BACH1: variants seen among roughly 807,000 people sequenced by gnomAD.
BACH1 encodes the protein transcription regulator protein BACH1.
In BACH1, 35 loss-of-function variants were observed where a neutral mutation model predicts 52.9. The ratio of observed to expected loss-of-function variants is 0.66; its 90% confidence interval spans 0.51 to 0.88. BACH1 has a LOEUF of 0.88. Ranked by LOEUF, BACH1 falls within the 40% of genes least tolerant of loss-of-function variation. The pLI is 0.00. For synonymous variants in BACH1, 321 were observed against 319.6 expected (o/e 1.00, Z -0.05); for missense variants, 808 against 872.6 (o/e 0.93, Z 0.93).
At chr21:29,306,169 A>AGT (rs61571512) in intron 1 of BACH1, among the ~76,000 whole-genome samples, 32,505 of 141,016 alleles carry the variant, frequency 0.23, 4,048 homozygotes, top group Non-Finnish European at 0.3. Context: ...GGTCAGGAAG[A>AGT]GTGTGTGTGT....
At chr21:29,324,081 A>G (rs2123441589) in intron 2 of BACH1, among the ~76,000 whole-genome samples, 1 of 152,058 alleles carries the variant, frequency 6.6e-6, no homozygotes, top group South Asian at 2.1e-4. Flanking sequence ...GTGAAACCAC[A>G]TCTCTACTAA....
chr21:29,322,323 T>G (rs2088858430), intron 2 of BACH1, among the ~76,000 whole-genome samples: 1 of 152,224 alleles, frequency 6.6e-6, no homozygotes. Flanking sequence ...GTGTTCTGTC[T>G]CCCCTTCTTT....
At chr21:29,317,042 C>T (rs913814717) in intron 1 of BACH1, among the ~76,000 whole-genome samples, 2 of 152,246 alleles carry the variant, frequency 1.3e-5, no homozygotes, top group African/African-American at 2.4e-5. Context: ...AGCATTACTG[C>T]TTGAGCTCCA....
intron 4 of BACH1, among the ~76,000 whole-genome samples, chr21:29,339,629 GTTTTTTTTTT>G (rs34979217): frequency 1.0e-5 from 1 of 98,540 alleles, no homozygotes; most frequent in Admixed American, 1.2e-4. Flanking sequence ...AGATGCAAAG[GTTTTTTTTTT>G]TTTTTTTTTT....
intron 2 of BACH1, among the ~76,000 whole-genome samples, chr21:29,322,539 C>G (rs1450885802): frequency 6.6e-6 from 1 of 152,094 alleles, no homozygotes; most frequent in Admixed American, 6.6e-5. Context: ...TAGCAGCATC[C>G]CTTGCTTTAG....
At chr21:29,356,873 ACTT>A (rs1166752434) in intron 2 of BACH1, among the ~76,000 whole-genome samples, 3 of 151,022 alleles carry the variant, frequency 2.0e-5, no homozygotes, top group South Asian at 2.1e-4. Flanking sequence ...TCTCTCTTTG[ACTT>A]CTTCTTTGTC....
intron 4 of BACH1, among the ~76,000 whole-genome samples, chr21:29,341,896 GCTAA>G (rs890648378): frequency 6.6e-6 from 1 of 152,164 alleles, no homozygotes; most frequent in African/African-American, 2.4e-5. Flanking sequence ...ATTAAGTTAT[GCTAA>G]CTGTACTTTT....
chr21:29,332,461 C>T (rs941795151), intron 4 of BACH1, among the ~76,000 whole-genome samples: 1 of 152,170 alleles, frequency 6.6e-6, no homozygotes, highest in African/African-American at 2.4e-5. Context: ...TTAATTTGGA[C>T]TCTTTGGCTT....
intron 2 of BACH1, among the ~76,000 whole-genome samples, chr21:29,355,204 T>C (rs772621262): frequency 2.0e-5 from 3 of 152,204 alleles, no homozygotes; most frequent in Non-Finnish European, 2.9e-5. Flanking sequence ...TACAGAGTGC[T>C]GATTGGTGCG....
chr21:29,332,920 C>T (rs188824999), intron 4 of BACH1, among the ~76,000 whole-genome samples: 21 of 152,274 alleles, frequency 1.4e-4, no homozygotes, highest in Non-Finnish European at 2.2e-4. Context: ...CCTAGATAGG[C>T]GCCAGTCTGA....
chr21:29,300,495 T>A (rs983797457), intron 1 of BACH1, among the ~76,000 whole-genome samples: 1 of 152,134 alleles, frequency 6.6e-6, no homozygotes, highest in African/African-American at 2.4e-5. Flanking sequence ...GGAAGAGCAC[T>A]CTTAGGCAGT....
Position 29,351,610 on chromosome 21 carries a change from G to T in BACH1, c.472+21917G>T, listed in dbSNP as rs368629482. 242 of 534,672 alleles carry T rather than the reference G, an allele frequency of 4.5e-4. 4 individuals carry two copies. The East Asian group carries it at 9.7e-3, about 21-fold the overall frequency. 33.1% of individuals were successfully genotyped at this position (534,672 alleles called of 1,614,324 possible). ...ACCTCATCTATTATGCTCAACATCT[G>T]ATATTTGAGGGGTTCTGTTTCAGGG... is the stretch of plus-strand genomic sequence containing the variant. On this transcript the variant is annotated intron_variant, in intron 2 of 4. Coordinates refer to the BACH1 transcript ENST00000422809.
In BACH1 at chr21:29,326,940, C is replaced by T. The variant is rs756113633; in HGVS notation, c.1116C>T (p.Asp372=). 9 of 1,614,110 alleles carry T rather than the reference C, an allele frequency of 5.6e-6. No homozygotes were observed. The African/African-American group carries it at 8.0e-5, about 14-fold the overall frequency. The change falls in exon 3 of 5, where the codon GAC becomes GAT. Residue 372 remains aspartate, a synonymous_variant. Coordinates refer to ENST00000286800, the MANE Select transcript of BACH1 (RefSeq NM_001186.4). ...GTCAGGATTTACCTTTGAAATCCGA[C>T]TTGGGCACCAGGGAAGATAGTAGTG... The part of the protein sequence containing the change: ...GESQDLPLKS[D]LGTREDSSVA...
At chr21:29,303,598 T>C (rs1167397274) in intron 1 of BACH1, among the ~76,000 whole-genome samples, 1 of 152,268 alleles carries the variant, frequency 6.6e-6, no homozygotes, top group African/African-American at 2.4e-5. Flanking sequence ...GGTGTGATTA[T>C]TGAGAAGGCA....
intron 1 of BACH1, among the ~76,000 whole-genome samples, chr21:29,312,515 A>T (rs2088737498): frequency 6.6e-6 from 1 of 152,194 alleles, no homozygotes; most frequent in Admixed American, 6.5e-5. Flanking sequence ...GTGCATAGAA[A>T]ATCCTATGGA....
intron 4 of BACH1, among the ~76,000 whole-genome samples, chr21:29,338,263 T>G (rs1043067104): frequency 2.6e-5 from 4 of 152,214 alleles, no homozygotes; most frequent in African/African-American, 9.7e-5. Flanking sequence ...TGAGATTTAT[T>G]TGCTTTTTTA....
At chr21:29,337,929 T>TA (rs1013615733) in intron 4 of BACH1, among the ~76,000 whole-genome samples, 32 of 151,890 alleles carry the variant, frequency 2.1e-4, no homozygotes, top group Admixed American at 1.8e-3. Context: ...AACTCCGTCT[T>TA]AAAACAAAAA....
rs76698439 is a variant in BACH1 at position 29,360,407 on chromosome 21, G to A, written c.472+30714G>A. On this transcript the variant is annotated intron_variant, in intron 2 of 4. Transcript: ENST00000422809. ...AGCTAAAAGCTGCTATTTTGTCGGCGGCCTCAGAGGCCTTCCACAATGAAC... is the reference window on the plus strand; with the variant it reads ...AGCTAAAAGCTGCTATTTTGTCGGCAGCCTCAGAGGCCTTCCACAATGAAC... 1.6e-3 allele frequency among the ~76,000 whole-genome samples: 239 copies of A among 152,222 alleles called. 1 individual carries two copies. The highest frequency in any genetic ancestry group is 0.014 in the South Asian group (69 of 4,818).
chr21:29,329,751 G>A, intron 4 of BACH1, 58 bp downstream of exon 4: 5 of 1,286,608 alleles, frequency 3.9e-6, no homozygotes, highest in Non-Finnish European at 5.1e-6. Context: ...TTTTGTCAAG[G>A]AAATAGTTTT....
Sources: gnomAD v4.1 joint callset for allele counts (sites outside exome capture counted in the v4.1 genomes callset) on GRCh38, gnomAD v4.1.1 for gene constraint, MANE v1.5 for transcripts, NCBI Gene and HGNC (gene_info 2026-07-23, HGNC 2026-07-21) for gene names.